Variants in EPSTI1 observed in about 807,000 individuals in gnomAD.
EPSTI1 encodes epithelial-stromal interaction protein 1.
EPSTI1 carries 66 observed loss-of-function variants against 49.9 expected under a neutral mutation model. The ratio of observed to expected loss-of-function variants is 1.32; its 90% CI spans 1.08 to 1.62. EPSTI1 has a LOEUF of 1.62. Ranked by LOEUF, EPSTI1 falls within the 40% of genes most tolerant of loss-of-function variation. The probability of loss-of-function intolerance (pLI) is 0.00; values close to 1 mark genes in which losing one functional copy is unlikely to be tolerated. For missense variants in EPSTI1, 394 were observed against 365.5 expected (o/e 1.08, Z -0.64); for synonymous variants, 137 against 130.7 (o/e 1.05, Z -0.33).
intron 5 of EPSTI1, among the ~76,000 whole-genome samples, chr13:42,955,175 G>A (rs2039220235): frequency 1.3e-5 from 2 of 152,150 alleles, no homozygotes; most frequent in Admixed American, 6.6e-5. Flanking sequence ...ATGGAAAATT[G>A]TAAAACCAAA....
chr13:42,909,556 A>C (rs2037604547), intron 8 of EPSTI1, among the ~76,000 whole-genome samples: 1 of 152,150 alleles, frequency 6.6e-6, no homozygotes, highest in African/African-American at 2.4e-5. Context: ...TCAATGGATA[A>C]AGAAAATGTG....
rs764058765 is a variant in EPSTI1 at position 42,886,661 on chromosome 13, A to C, written c.*1833T>G. 7.2e-5 allele frequency: 11 copies of C among 152,210 alleles called. No homozygotes were observed. The highest frequency in any genetic ancestry group is 1.2e-4 in the Non-Finnish European group (8 of 68,040). 9.4% of individuals were successfully genotyped at this position (152,210 alleles called of 1,614,324 possible). A position where few individuals can be genotyped will look rare whatever the true frequency, so the allele number is the denominator to read the frequency against. The stretch of plus-strand genomic sequence containing the variant: ...AAAATGGTGGGCTCCTTTAGGCAGC[A>C]AGTCTTGCTTCTCTCCTGGTTACCT... On this transcript the variant is annotated 3_prime_UTR_variant, in exon 11 of 11. Transcript: ENST00000313624.
chr13:42,975,547 C>T (rs922782408), intron 1 of EPSTI1, among the ~76,000 whole-genome samples: 1 of 152,054 alleles, frequency 6.6e-6, no homozygotes, highest in African/African-American at 2.4e-5. Flanking sequence ...TTATAGGATG[C>T]CTTTAAGAAA....
intron 10 of EPSTI1, chr13:42,889,101 C>T: frequency 4.5e-6 from 4 of 881,634 alleles, no homozygotes; most frequent in East Asian, 5.1e-5. Context: ...ATAGGAAATG[C>T]TTAACTGCCC....
At chr13:42,958,925 T>C (rs148190222) in intron 5 of EPSTI1, among the ~76,000 whole-genome samples, 1 of 152,322 alleles carries the variant, frequency 6.6e-6, no homozygotes. Flanking sequence ...GTGGGTTTAG[T>C]AGAAATGAAA....
Position 42,922,067 on chromosome 13 carries a change from A to G in EPSTI1, c.657+4269T>C, listed in dbSNP as rs1282382120. ...ACCAGAGTATACCGACTGGCTTGGC[A>G]GTGAGAAAACGTGTATATAGTCATA... On this transcript the variant is annotated intron_variant, in intron 7 of 10. Coordinates refer to ENST00000313624, the MANE Select transcript of EPSTI1 (RefSeq NM_033255.5). The surrounding 1 kb of genome is among the most constrained non-coding windows in gnomAD (Gnocchi z 4.8). Among the ~76,000 whole-genome samples, 1 of 152,242 alleles carries G rather than the reference A, an allele frequency of 6.6e-6. No individual in the cohort carries two copies. The highest frequency in any genetic ancestry group is 2.4e-5 in the African/African-American group (1 of 41,466).
chr13:42,949,591 C>CAAAAA (rs199737689), intron 6 of EPSTI1, among the ~76,000 whole-genome samples: 14 of 80,104 alleles, frequency 1.7e-4, no homozygotes, highest in Admixed American at 5.0e-4. Flanking sequence ...GACTCCATGT[C>CAAAAA]AAAAAAAAAA....
chr13:42,973,589 CAT>C (rs2039814108), intron 1 of EPSTI1, among the ~76,000 whole-genome samples: 1 of 152,160 alleles, frequency 6.6e-6, no homozygotes, highest in Admixed American at 6.5e-5. Flanking sequence ...TTTTTAATAT[CAT>C]GTGTCAGAGT....
chr13:42,970,544 C>T (rs1284763298), intron 2 of EPSTI1, 68 bp downstream of exon 2: 4 of 1,385,672 alleles, frequency 2.9e-6, no homozygotes, highest in Admixed American at 2.3e-5. Context: ...AAAAATACTT[C>T]ACACCAAAAC....
intron 9 of EPSTI1, 97 bp downstream of exon 9, chr13:42,900,213 T>C: frequency 8.9e-7 from 1 of 1,125,058 alleles, no homozygotes; most frequent in African/African-American, 1.5e-5. Flanking sequence ...TCCAAAACCA[T>C]ATTAATAATG....
At chr13:42,979,353 T>G (rs1396274477) in intron 1 of EPSTI1, among the ~76,000 whole-genome samples, 1 of 151,456 alleles carries the variant, frequency 6.6e-6, no homozygotes, top group Non-Finnish European at 1.5e-5. Flanking sequence ...CTGAGGCGGG[T>G]GGATCACGAG....
chr13:42,916,316 G>A (rs1005167069), intron 8 of EPSTI1, among the ~76,000 whole-genome samples: 22 of 149,888 alleles, frequency 1.5e-4, no homozygotes, highest in African/African-American at 4.2e-4. Flanking sequence ...TTCATGATTC[G>A]TCTTTCTTAC....
rs2039747681 is a variant in EPSTI1, at chr13:42,970,753, A to G, written c.189-83T>C. ...GCCACCAGATATTTTTCCTTCTATT[A>G]TACTGTATTTATGATCATTACCATC... On this transcript the variant is annotated intron_variant, in intron 1 of 10. Coordinates refer to ENST00000313624, the MANE Select transcript of EPSTI1 (RefSeq NM_033255.5). 3 of 1,074,828 alleles carry G rather than the reference A, an allele frequency of 2.8e-6. No homozygotes were observed. In the South Asian group the frequency reaches 4.5e-5, roughly 16 times the overall value. 66.6% of individuals were successfully genotyped at this position (1,074,828 alleles called of 1,614,324 possible). A position where few individuals can be genotyped will look rare whatever the true frequency, so the allele number is the denominator to read the frequency against.
At chr13:42,888,710 G>A (rs2036938106) in intron 10 of EPSTI1, among the ~76,000 whole-genome samples, 1 of 152,194 alleles carries the variant, frequency 6.6e-6, no homozygotes, top group Non-Finnish European at 1.5e-5. Context: ...TGGTCAATAA[G>A]GTAATGGCTT....
intron 6 of EPSTI1, among the ~76,000 whole-genome samples, chr13:42,953,162 G>A (rs921530581): frequency 6.6e-6 from 1 of 151,534 alleles, no homozygotes; most frequent in African/African-American, 2.4e-5. Context: ...CATTTCAAGT[G>A]CCTGTAATAG....
intron 10 of EPSTI1, among the ~76,000 whole-genome samples, chr13:42,890,123 T>C (rs1216041098): frequency 6.6e-6 from 1 of 152,172 alleles, no homozygotes; most frequent in South Asian, 2.1e-4. Context: ...TCCCCATATA[T>C]ACTTCTTTAT....
Position 42,974,665 on chromosome 13 carries a change from A to T in EPSTI1, c.189-3995T>A, listed in dbSNP as rs1008195360. Among the ~76,000 whole-genome samples, 12 of 152,342 alleles carry T rather than the reference A, an allele frequency of 7.9e-5. No individual in the cohort carries two copies. In the East Asian group the frequency reaches 2.3e-3, roughly 29 times the overall value. On this transcript the variant is annotated intron_variant, in intron 1 of 10. Coordinates refer to ENST00000313624, the MANE Select transcript of EPSTI1 (RefSeq NM_033255.5). ...CAGAGCAAGACTCCGTCTCAAAAAA[A>T]AAAAAAAAAGTTTTCCTTGCGAGGT...
At chr13:42,930,777 C>T (rs8002466) in intron 6 of EPSTI1, among the ~76,000 whole-genome samples, 2,495 of 152,276 alleles carry the variant, frequency 0.016, 64 homozygotes, top group African/African-American at 0.056. Context: ...CTCAACCTGA[C>T]TCCTTTCCCC....
At chr13:42,945,806 A>G (rs2153426716) in intron 6 of EPSTI1, among the ~76,000 whole-genome samples, 1 of 152,328 alleles carries the variant, frequency 6.6e-6, no homozygotes, top group South Asian at 2.1e-4. Context: ...GAGAATTGAT[A>G]GTGGGTAGAG....
Sources: allele counts gnomAD v4.1 joint callset (sites outside exome capture counted in the v4.1 genomes callset), GRCh38; gene constraint gnomAD v4.1.1; non-coding constraint Gnocchi (gnomAD v3.1); transcripts MANE v1.5; gene names NCBI Gene and HGNC (gene_info 2026-07-23, HGNC 2026-07-21).